Variants in CDK15 observed in about 807,000 individuals in gnomAD.
CDK15 encodes cyclin dependent kinase 15.
CDK15 carries 62 observed loss-of-function variants against 60.3 expected under a neutral mutation model. The ratio of observed to expected loss-of-function variants is 1.03; its 90% CI spans 0.84 to 1.27. CDK15 has a LOEUF of 1.27. CDK15 is among the 50% of genes most tolerant of loss of function. The pLI is 0.00. For missense variants in CDK15, 541 were observed against 527.8 expected (o/e 1.03, Z -0.25); for synonymous variants, 194 against 195.7 (o/e 0.99, Z 0.07).
chr2:201,860,617 C>G, intron 10 of CDK15: 6 of 1,016,904 alleles, frequency 5.9e-6, no homozygotes, highest in Non-Finnish European at 7.8e-6. Flanking sequence ...TAATGAAAAT[C>G]AAAAGGCAGG....
Position 201,823,736 on chromosome 2 carries a change from G to A in CDK15, c.606+9G>A, listed in dbSNP as rs374059521. 1.2e-5 allele frequency: 19 copies of A among 1,612,702 alleles called. No homozygotes were observed. The highest frequency in any genetic ancestry group is 6.7e-5 in the East Asian group (3 of 44,880). On this transcript the variant is annotated intron_variant, in intron 6 of 13. Coordinates refer to ENST00000652192, the MANE Select transcript of CDK15 (RefSeq NM_001366386.2). ...ATCCTCATAATGTCAGAGTGAGTAC[G>A]TTAAGGGTCAGGACCCTCTCCTGGC...
At chr2:201,840,921 T>C (rs1460902234) in intron 8 of CDK15, among the ~76,000 whole-genome samples, 1 of 152,232 alleles carries the variant, frequency 6.6e-6, no homozygotes, top group Non-Finnish European at 1.5e-5. Context: ...TGTGAATTCA[T>C]GTCTTTCATC....
intron 4 of CDK15, among the ~76,000 whole-genome samples, chr2:201,816,366 G>C (rs2106159993): frequency 6.6e-6 from 1 of 151,232 alleles, no homozygotes; most frequent in South Asian, 2.1e-4. Context: ...ACTTGTAAGT[G>C]AGAACATGTG....
intron 12 of CDK15, chr2:201,889,483 T>C: frequency 1.1e-6 from 1 of 907,650 alleles, no homozygotes. Context: ...TTATCTTCTT[T>C]AAACTTACAG....
chr2:201,859,086 G>A (rs1336357855), intron 10 of CDK15, among the ~76,000 whole-genome samples: 1 of 152,282 alleles, frequency 6.6e-6, no homozygotes, highest in South Asian at 2.1e-4. Flanking sequence ...GGGGCTGCGC[G>A]GGCCTCCTGC....
intron 6 of CDK15, among the ~76,000 whole-genome samples, chr2:201,826,346 G>C (rs891533105): frequency 6.0e-5 from 9 of 149,030 alleles, no homozygotes; most frequent in African/African-American, 2.2e-4. Context: ...TGTAGTCCCA[G>C]CTACTCAGGA....
chr2:201,833,344 C>T (rs140109405), intron 6 of CDK15, among the ~76,000 whole-genome samples: 4 of 152,154 alleles, frequency 2.6e-5, no homozygotes, highest in African/African-American at 7.2e-5. Flanking sequence ...TTTCTAATAC[C>T]ATCTAAAGAT....
intron 8 of CDK15, 106 bp downstream of exon 8, chr2:201,835,869 TTTTTATATATATTTATATTTATATA>T: frequency 2.1e-6 from 1 of 465,226 alleles, no homozygotes; most frequent in African/African-American, 2.2e-5. Flanking sequence ...CACGTATATA[TTTTTATATATATTTATATTTATATA>T]TTTTATATAT....
intron 10 of CDK15, among the ~76,000 whole-genome samples, chr2:201,862,961 T>C (rs1028611338): frequency 6.6e-6 from 1 of 152,158 alleles, no homozygotes; most frequent in Non-Finnish European, 1.5e-5. Flanking sequence ...AGGAGTGTAA[T>C]CTGAGTGGAG....
At chr2:201,836,125 AT>A (rs1307407748) in intron 8 of CDK15, among the ~76,000 whole-genome samples, 1 of 67,682 alleles carries the variant, frequency 1.5e-5, no homozygotes. Flanking sequence ...TATATTATAT[AT>A]TTTATATATT....
chr2:201,876,392 G>C (rs187733106), intron 11 of CDK15: 72 of 370,342 alleles, frequency 1.9e-4, no homozygotes, highest in African/African-American at 1.4e-3. Flanking sequence ...ATAGCAAGGC[G>C]GCGATTACTG....
chr2:201,808,300 T>G (rs1695606495), intron 3 of CDK15, among the ~76,000 whole-genome samples: 2 of 152,274 alleles, frequency 1.3e-5, no homozygotes, highest in Admixed American at 6.5e-5. Flanking sequence ...CTCTAACAGG[T>G]TTTTTATATC....
chr2:201,822,201 T>G (rs1214910584), intron 4 of CDK15, among the ~76,000 whole-genome samples: 3 of 152,204 alleles, frequency 2.0e-5, no homozygotes, highest in Non-Finnish European at 4.4e-5. Flanking sequence ...CTCCCCAAGT[T>G]TGGCCGACTC....
intron 4 of CDK15, among the ~76,000 whole-genome samples, chr2:201,820,671 T>C (rs1459517014): frequency 6.6e-6 from 1 of 152,166 alleles, no homozygotes; most frequent in East Asian, 1.9e-4. Flanking sequence ...AATTAAGTGC[T>C]TACTCTCGGC....
chr2:201,827,384 A>G (rs1243488604), intron 6 of CDK15, among the ~76,000 whole-genome samples: 1 of 152,160 alleles, frequency 6.6e-6, no homozygotes, highest in Non-Finnish European at 1.5e-5. Flanking sequence ...GTTTGAGGCT[A>G]AGGTGAGCCA....
chr2:201,807,444 G>T (rs772035580), intron 1 of CDK15, 50 bp from the exon 2 acceptor site: 7 of 1,582,506 alleles, frequency 4.4e-6, no homozygotes, highest in Non-Finnish European at 5.2e-6. Context: ...ACCAGGCACT[G>T]AATCTTTACT....
At chr2:201,878,811 G>A (rs1699173371) in intron 11 of CDK15, among the ~76,000 whole-genome samples, 1 of 152,190 alleles carries the variant, frequency 6.6e-6, no homozygotes. Flanking sequence ...TCTGCACAGG[G>A]CAGAAAGAGC....
rs1189046891 is a variant in CDK15, at chr2:201,880,014, T to C, written c.1059-14T>C. On this transcript the variant is annotated splice_polypyrimidine_tract_variant and intron_variant, in intron 11 of 13. Transcript: ENST00000652192. Reference sequence around the variant, plus strand: ...CTGCTGGAGAAACTCTATTTTTCTCTCCCACTTTTCCAGGCTGGGCAGGGT... The same window carrying C: ...CTGCTGGAGAAACTCTATTTTTCTCCCCCACTTTTCCAGGCTGGGCAGGGT... 1.2e-6 allele frequency: 2 copies of C among 1,613,070 alleles called. No individual in the cohort carries two copies. Among genetic ancestry groups the C allele is most frequent in the South Asian group, 2.2e-5 (2 of 90,904 alleles).
chr2:201,888,015 G>A (rs1699518339), intron 12 of CDK15, among the ~76,000 whole-genome samples: 1 of 148,340 alleles, frequency 6.7e-6, no homozygotes, highest in African/African-American at 2.5e-5. Context: ...ATTTTGAAAT[G>A]ATAGCTTAAT....
Sources: gnomAD v4.1 joint callset for allele counts (sites outside exome capture counted in the v4.1 genomes callset) on GRCh38, gnomAD v4.1.1 for gene constraint, MANE v1.5 for transcripts, NCBI Gene and HGNC (gene_info 2026-07-23, HGNC 2026-07-21) for gene names.